NEK3: variants seen among roughly 807,000 people sequenced by gnomAD.
The protein encoded by NEK3 is NIMA related kinase 3.
In NEK3, 54 loss-of-function variants were observed where a neutral mutation model predicts 66.0. That is an observed-to-expected ratio of 0.82 (90% CI 0.66 to 1.03). The LOEUF is 1.03. Ranked by LOEUF, NEK3 falls within the 50% of genes least tolerant of loss-of-function variation. The pLI is 0.00. For missense variants in NEK3, 593 were observed against 603.0 expected (o/e 0.98, Z 0.17); for synonymous variants, 200 against 206.2 (o/e 0.97, Z 0.26).
chr13:52,141,021 A>C lies in NEK3; in HGVS notation c.926T>G (p.Val309Gly), dbSNP rs1956246201. ...RIALGNEASTVQEEEQDRKGS... is the reference protein window; with the variant it reads ...RIALGNEASTGQEEEQDRKGS... ...TAAAAGTAATTTTAAAGCACTTACC[A>C]CTGTGCTTGCTTCATTTCCCAAAGC... The change falls in exon 11 of 16, where the codon GTG (valine) becomes GGG (glycine). Residue 309 changes from valine (V) to glycine (G), a missense_variant and splice_region_variant. Coordinates refer to ENST00000610828, the MANE Select transcript of NEK3 (RefSeq NM_002498.3). 1 of 1,592,932 alleles carries C rather than the reference A, an allele frequency of 6.3e-7. No individual in the cohort carries two copies. The highest frequency in any genetic ancestry group is 8.6e-7 in the Non-Finnish European group (1 of 1,169,334).
rs1956211088 is a variant in NEK3 at position 52,136,915 on chromosome 13, T to C, written c.928-13A>G. 1.3e-6 allele frequency: 2 copies of C among 1,498,720 alleles called. No individual in the cohort carries two copies. The highest frequency in any genetic ancestry group is 1.8e-6 in the Non-Finnish European group (2 of 1,110,602). The allele number at this position is 1,498,720 out of a possible 1,614,324, so 92.8% of individuals were successfully genotyped here. A position where few individuals can be genotyped will look rare whatever the true frequency, so the allele number is the denominator to read the frequency against. ...GTTCTTCCTCTTGCTTTAAAAGAGATTAACAATACAGATTAAATAATGCTT... is the reference window on the plus strand; with the variant it reads ...GTTCTTCCTCTTGCTTTAAAAGAGACTAACAATACAGATTAAATAATGCTT... On this transcript the variant is annotated splice_polypyrimidine_tract_variant and intron_variant, in intron 11 of 15. Coordinates refer to ENST00000610828, the MANE Select transcript of NEK3 (RefSeq NM_002498.3).
intron 2 of NEK3, among the ~76,000 whole-genome samples, chr13:52,154,459 C>A (rs1444863751): frequency 2.0e-5 from 3 of 151,638 alleles, no homozygotes; most frequent in Middle Eastern, 3.2e-3. Flanking sequence ...TATCACCTGA[C>A]TTAGAGAGCC....
chr13:52,149,225 G>A (rs1234617250), intron 7 of NEK3, among the ~76,000 whole-genome samples: 1 of 151,238 alleles, frequency 6.6e-6, no homozygotes, highest in East Asian at 2.0e-4. Flanking sequence ...TAAGGGATGG[G>A]GTCTCACTGT....
intron 12 of NEK3, 90 bp from the exon 13 acceptor site, chr13:52,136,349 G>T: frequency 3.2e-6 from 4 of 1,250,858 alleles, no homozygotes; most frequent in South Asian, 3.1e-5. Flanking sequence ...ATATGGAAGT[G>T]TTTCTTTTCT....
chr13:52,155,677 ACTT>A (rs550427020), intron 2 of NEK3, among the ~76,000 whole-genome samples: 143 of 144,440 alleles, frequency 9.9e-4, no homozygotes, highest in African/African-American at 3.2e-3. Flanking sequence ...AAACTCAAAA[ACTT>A]ATTATTTATT....
At chr13:52,152,725 A>C (rs758320973) in intron 4 of NEK3, 33 bp from the exon 5 acceptor site, 2 of 1,384,042 alleles carry the variant, frequency 1.4e-6, no homozygotes, top group Non-Finnish European at 1.0e-6. Flanking sequence ...ATCTTCAAGA[A>C]TGCAGTAACT....
At position 52,133,023 on chromosome 13, in the gene NEK3, T is replaced by C. The variant is rs192118595; in HGVS notation, c.*119A>G. On this transcript the variant is annotated 3_prime_UTR_variant, in exon 16 of 16. Coordinates refer to ENST00000610828, the MANE Select transcript of NEK3 (RefSeq NM_002498.3). ...AGAACGATTTTAAGTATTAAGAGTT[T>C]CCTCTGCTTCATTCTGTTTCCAAAG... is the stretch of plus-strand genomic sequence containing the variant. 6.7e-4 allele frequency: 530 copies of C among 793,682 alleles called. 4 individuals are homozygous for C. In the African/African-American group the frequency reaches 6.7e-3, roughly 10 times the overall value. The allele number at this position is 793,682 out of a possible 1,614,324, so 49.2% of individuals were successfully genotyped here. A position where few individuals can be genotyped will look rare whatever the true frequency, so the allele number is the denominator to read the frequency against.
chr13:52,139,674 A>G (rs1956231448), intron 11 of NEK3, among the ~76,000 whole-genome samples: 1 of 151,920 alleles, frequency 6.6e-6, no homozygotes, highest in African/African-American at 2.4e-5. Context: ...CAAGACAGGC[A>G]GATCACATGA....
At chr13:52,134,065 C>CT (rs1956181720) in intron 14 of NEK3, among the ~76,000 whole-genome samples, 1 of 152,036 alleles carries the variant, frequency 6.6e-6, no homozygotes, top group Non-Finnish European at 1.5e-5. Context: ...GGGTCTCACT[C>CT]TGTCACCCAG....
In NEK3 at chr13:52,148,407, A is replaced by T. The variant is rs780710489; in HGVS notation, c.603+8T>A. On this transcript the variant is annotated splice_region_variant and intron_variant, in intron 8 of 15. Coordinates refer to ENST00000610828, the MANE Select transcript of NEK3 (RefSeq NM_002498.3). ...AGCTGCCTTTTCCATTTTGCACGCC[A>T]TACTTACTGGATGCTTAAGGGTACA... is the stretch of plus-strand genomic sequence containing the variant. The T allele has an allele frequency of 6.8e-6, 11 of 1,612,860 alleles. No individual in the cohort carries two copies. The South Asian group carries it at 1.2e-4, about 18-fold the overall frequency.
At chr13:52,140,086 ATGCCTGTAGTCCCAGATACT>A (rs1956235440) in intron 11 of NEK3, among the ~76,000 whole-genome samples, 2 of 149,120 alleles carry the variant, frequency 1.3e-5, no homozygotes, top group African/African-American at 2.5e-5. Flanking sequence ...ATGGTGGCAC[ATGCCTGTAGTCCCAGATACT>A]TGGGAGGCTG....
At position 52,153,985 on chromosome 13, in the gene NEK3, T is replaced by C; in HGVS notation, c.219A>G (p.Gly73=). 6.2e-7 allele frequency: 1 copy of C among 1,612,404 alleles called. No individual in the cohort carries two copies. The highest frequency in any genetic ancestry group is 8.5e-7 in the Non-Finnish European group (1 of 1,178,688). ...AGTATTCCATCACAATATACAAGTG[T>C]CCTTCAGCTAAAACAGATATAAGCT... The part of the protein sequence containing the change: ...VAFKESFEAE[G]HLYIVMEYCD... Residue 73 remains glycine (G), a synonymous_variant, in exon 4 of 16, where the codon GGA becomes GGG. Transcript: ENST00000610828.
At chr13:52,155,084 T>G (rs1956382372) in intron 2 of NEK3, among the ~76,000 whole-genome samples, 1 of 152,080 alleles carries the variant, frequency 6.6e-6, no homozygotes, top group Admixed American at 6.5e-5. Context: ...CACCTGGACC[T>G]ACTCAATCGG....
chr13:52,136,185 T>G lies in NEK3; in HGVS notation c.1105A>C (p.Asn369His), dbSNP rs1956204457. Residue 369 changes from asparagine (N) to histidine (H), a missense_variant, in exon 13 of 16, where the codon AAT becomes CAT. Transcript: ENST00000610828. ...HRRQWEKNVPNTALTALENAS... is the reference protein window; with the variant it reads ...HRRQWEKNVPHTALTALENAS... The stretch of plus-strand genomic sequence containing the variant: ...TTTTCCAAAGCTGTAAGAGCTGTAT[T>G]GGGTACATTTTTCTCCCACTGTCGT... 6 of 1,613,848 alleles carry G rather than the reference T, an allele frequency of 3.7e-6. No individual in the cohort carries two copies. Among genetic ancestry groups the G allele is most frequent in the Non-Finnish European group, 5.1e-6 (6 of 1,179,746 alleles).
intron 10 of NEK3, among the ~76,000 whole-genome samples, chr13:52,142,573 G>C (rs1956260955): frequency 6.6e-6 from 1 of 152,232 alleles, no homozygotes; most frequent in Non-Finnish European, 1.5e-5. Flanking sequence ...ACTGCGCCCA[G>C]CCGCTATCTC....
In NEK3 at chr13:52,135,481, A is replaced by C. The variant is rs137945616; in HGVS notation, c.1309+248T>G. On this transcript the variant is annotated intron_variant, in intron 14 of 15. Coordinates refer to ENST00000610828, the MANE Select transcript of NEK3 (RefSeq NM_002498.3). ...AAAAAACACCTAAAAATACAGTGCT[A>C]TGAATTACTTTATAACTTTGAAATC... Among the ~76,000 whole-genome samples the C allele has an allele frequency of 4.1e-3, 621 of 152,330 alleles. 8 individuals are homozygous for C. The highest frequency in any genetic ancestry group is 0.021 in the Admixed American group (327 of 15,298).
intron 1 of NEK3, among the ~76,000 whole-genome samples, chr13:52,158,960 A>C (rs535791259): frequency 1.1e-4 from 16 of 152,238 alleles, no homozygotes; most frequent in African/African-American, 3.9e-4. Flanking sequence ...AAACTTCAAG[A>C]CAAGGGAAAC....
intron 9 of NEK3, among the ~76,000 whole-genome samples, chr13:52,144,214 G>C (rs1956274375): frequency 6.6e-6 from 1 of 152,170 alleles, no homozygotes; most frequent in African/African-American, 2.4e-5. Context: ...AGGAGTTTGA[G>C]ACCAGTCTGG....
In NEK3 at chr13:52,144,685, T is replaced by C; in HGVS notation, c.804+6A>G. On this transcript the variant is annotated splice_donor_region_variant and intron_variant, in intron 9 of 15. Transcript: ENST00000610828. ...CTGTTCACAACCAATCCAACACAGA[T>C]CATACCTCGGGGGGTAAGCACTTCT... The C allele has an allele frequency of 1.2e-6, 2 of 1,613,318 alleles. No homozygotes were observed. The highest frequency in any genetic ancestry group is 1.7e-6 in the Non-Finnish European group (2 of 1,179,380).
Sources: allele counts gnomAD v4.1 joint callset (sites outside exome capture counted in the v4.1 genomes callset), GRCh38; gene constraint gnomAD v4.1.1; transcripts MANE v1.5; gene names NCBI Gene and HGNC (gene_info 2026-07-23, HGNC 2026-07-21).